ZNF814: variants seen among roughly 807,000 people sequenced by gnomAD.
The protein encoded by ZNF814 is zinc finger protein 814.
Under a neutral mutation model 7.5 loss-of-function variants are expected in ZNF814, and 5 were observed. The observed-to-expected ratio is 0.67, with a 90% confidence interval of 0.35 to 1.40. ZNF814 has a LOEUF of 1.40. Among genes scored for constraint, ZNF814 ranks in the 40% most tolerant of loss-of-function variants. The pLI is 0.04. For missense variants in ZNF814, 962 were observed against 1,018.0 expected (o/e 0.94, Z 0.75); for synonymous variants, 315 against 340.7 (o/e 0.92, Z 0.83).
chr19:57,872,248 C>T lies in ZNF814; in HGVS notation c.*574G>A, dbSNP rs192080069. On this transcript the variant is annotated 3_prime_UTR_variant, in exon 3 of 3. Transcript: ENST00000435989. ...AAGGGTTACATTGAAAAAGAAATAA[C>T]ATTCCATATACATCTATGGTGTTTT... is the stretch of plus-strand genomic sequence containing the variant. Among the ~76,000 whole-genome samples the T allele has an allele frequency of 2.0e-3, 312 of 152,332 alleles. 4 individuals carry two copies. The highest frequency in any genetic ancestry group is 7.0e-3 in the African/African-American group (293 of 41,568).
chr19:57,898,739 G>C, the ZNF814 span, among the ~76,000 whole-genome samples: 80 of 152,280 alleles, frequency 5.3e-4, no homozygotes, highest in African/African-American at 1.9e-3. Context: ...TCAAGAGATT[G>C]AGACTATCCT....
chr19:57,873,764 G>T lies in ZNF814; in HGVS notation c.1626C>A (p.His542Gln). The change falls in exon 3 of 3, where the codon CAC becomes CAA. Residue 542 changes from histidine (H) to glutamine (Q), a missense_variant. Transcript: ENST00000435989. ...CACACTCATAAAGTCTGTCCCCAGT[G>T]TGAATTTGCTGATGGTTCCTAAGAT... ...KGHLRNHQQIHTGDRLYECGE... is the reference protein window; with the variant it reads ...KGHLRNHQQIQTGDRLYECGE... The T allele has an allele frequency of 6.2e-7, 1 of 1,613,760 alleles. No individual in the cohort carries two copies. The highest frequency in any genetic ancestry group is 1.3e-5 in the African/African-American group (1 of 75,002).
upstream of ZNF814, among the ~76,000 whole-genome samples, chr19:57,892,645 C>T (rs572017285): frequency 5.4e-4 from 82 of 152,244 alleles, 2 homozygotes; most frequent in South Asian, 0.016. Context: ...GCTTTTTCCT[C>T]CCCAAAAGGG....
Position 57,875,943 on chromosome 19 carries a change from C to CTTTTTT in ZNF814, c.164-723_164-718dup, listed in dbSNP as rs567660556. Among the ~76,000 whole-genome samples the CTTTTTT allele has an allele frequency of 1.4e-3, 97 of 71,414 alleles. 6 individuals are homozygous for CTTTTTT. Among genetic ancestry groups the CTTTTTT allele is most frequent in the Non-Finnish European group, 1.8e-3 (68 of 37,392 alleles). 46.9% of individuals were successfully genotyped at this position (71,414 alleles called of 152,430 possible). A position where few individuals can be genotyped will look rare whatever the true frequency, so the allele number is the denominator to read the frequency against. On this transcript the variant is annotated intron_variant, in intron 2 of 2. Coordinates refer to ENST00000435989, the MANE Select transcript of ZNF814 (RefSeq NM_001144989.2). Reference sequence around the variant, plus strand: ...CTCCATGACCTCCTCCAGGGTGCCGCTTTTTTTTTTTTTTTTTTTTTTTTT... The same window carrying CTTTTTT: ...CTCCATGACCTCCTCCAGGGTGCCGCTTTTTTTTTTTTTTTTTTTTTTTTTTTTTTT...
In ZNF814 at chr19:57,872,100, T is replaced by C. The variant is rs138370027; in HGVS notation, c.*722A>G. On this transcript the variant is annotated 3_prime_UTR_variant, in exon 3 of 3. Transcript: ENST00000435989. Reference sequence around the variant, plus strand: ...CATCCTGAGCGACACAGTGACAACCTGTCTCAAAAAAAATCTAGCAAGGTA... The same window carrying C: ...CATCCTGAGCGACACAGTGACAACCCGTCTCAAAAAAAATCTAGCAAGGTA... Among the ~76,000 whole-genome samples the C allele has an allele frequency of 7.2e-5, 11 of 152,234 alleles. No individual in the cohort carries two copies. The highest frequency in any genetic ancestry group is 2.6e-4 in the African/African-American group (11 of 41,546).
At chr19:57,898,939 C>CCA in the ZNF814 span, among the ~76,000 whole-genome samples, 3 of 91,972 alleles carry the variant, frequency 3.3e-5, no homozygotes, top group Non-Finnish European at 4.6e-5. Context: ...GACTCTGTCT[C>CCA]AAAAAAAAAA....
chr19:57,901,330 T>A, the ZNF814 span, among the ~76,000 whole-genome samples: 1 of 152,210 alleles, frequency 6.6e-6, no homozygotes, highest in South Asian at 2.1e-4. Flanking sequence ...TTAAATTTTT[T>A]AAATTTACAA....
At chr19:57,886,647 G>A (rs980863979) in intron 1 of ZNF814, among the ~76,000 whole-genome samples, 13 of 151,804 alleles carry the variant, frequency 8.6e-5, no homozygotes, top group African/African-American at 3.1e-4. Flanking sequence ...CGGAGGCCGA[G>A]GCGAGCGGAT....
the ZNF814 span, among the ~76,000 whole-genome samples, chr19:57,896,081 G>T: frequency 2.6e-5 from 4 of 151,684 alleles, no homozygotes; most frequent in African/African-American, 9.7e-5. The surrounding 1 kb of genome is among the most constrained non-coding windows in gnomAD (Gnocchi z 4.2). Context: ...GCACAGAGGG[G>T]TGCCTCTTTG....
At position 57,874,998 on chromosome 19, in the gene ZNF814, T is replaced by C. The variant is rs750269845; in HGVS notation, c.392A>G (p.Asp131Gly). The change falls in exon 3 of 3, where the codon GAC (aspartate) becomes GGC (glycine). Residue 131 changes from aspartate (D) to glycine (G), a missense_variant. Coordinates refer to ENST00000435989, the MANE Select transcript of ZNF814 (RefSeq NM_001144989.2). ...RCEAWGNKLYDSGNFHQHQNE... is the reference protein window; with the variant it reads ...RCEAWGNKLYGSGNFHQHQNE... ...CTGGTGCTGATGAAAGTTTCCACTG[T>C]CATACAATTTATTCCCCCAGGCCTC... The C allele has an allele frequency of 6.2e-7, 1 of 1,611,858 alleles. No individual in the cohort carries two copies. The highest frequency in any genetic ancestry group is 8.5e-7 in the Non-Finnish European group (1 of 1,178,504).
rs2071549734 is a variant in ZNF814, at chr19:57,870,641, A to G, written c.*2181T>C. ...AAGTCCTGATAATTCCTGTATCTGC[A>G]TATTCATCATATACGTAGTGACTGG... On this transcript the variant is annotated 3_prime_UTR_variant, in exon 3 of 3. Coordinates refer to ENST00000435989, the MANE Select transcript of ZNF814 (RefSeq NM_001144989.2). The G allele has an allele frequency of 6.6e-6, 1 of 152,238 alleles. No individual in the cohort carries two copies. Among genetic ancestry groups the G allele is most frequent in the Non-Finnish European group, 1.5e-5 (1 of 68,040 alleles). The allele number at this position is 152,238 out of a possible 1,614,324, so 9.4% of individuals were successfully genotyped here.
the ZNF814 span, among the ~76,000 whole-genome samples, chr19:57,902,308 T>C: frequency 6.6e-6 from 1 of 152,186 alleles, no homozygotes; most frequent in Non-Finnish European, 1.5e-5. Flanking sequence ...AAGGGGATTT[T>C]TAAGAAAAAT....
At chr19:57,901,550 T>C in the ZNF814 span, 3 of 398,168 alleles carry the variant, frequency 7.5e-6, no homozygotes, top group Admixed American at 4.4e-5. Flanking sequence ...AGGTCTATCA[T>C]GAGCCACACC....
the ZNF814 span, among the ~76,000 whole-genome samples, chr19:57,894,206 C>G: frequency 6.6e-6 from 1 of 151,344 alleles, no homozygotes; most frequent in Non-Finnish European, 1.5e-5. Context: ...AACCCCGTCT[C>G]TACTAAAAAT....
the ZNF814 span, among the ~76,000 whole-genome samples, chr19:57,902,947 G>A: frequency 6.6e-6 from 1 of 152,144 alleles, no homozygotes; most frequent in Admixed American, 6.5e-5. Context: ...CCAAAGTGCT[G>A]GGATTACAGG....
At chr19:57,895,230 T>A in the ZNF814 span, among the ~76,000 whole-genome samples, 9 of 151,916 alleles carry the variant, frequency 5.9e-5, no homozygotes, top group Non-Finnish European at 8.8e-5. Flanking sequence ...AAATTGGGCC[T>A]CAAACCCAGG....
At chr19:57,885,567 T>C (rs2071684039) in intron 1 of ZNF814, among the ~76,000 whole-genome samples, 1 of 150,186 alleles carries the variant, frequency 6.7e-6, no homozygotes, top group African/African-American at 2.5e-5. Context: ...GCAGCAGAGG[T>C]TGCAGTGAGC....
the ZNF814 span, among the ~76,000 whole-genome samples, chr19:57,895,991 T>C: frequency 2.6e-5 from 4 of 152,298 alleles, no homozygotes; most frequent in Middle Eastern, 3.4e-3. Context: ...TGTTTATACA[T>C]AGTGTCAGGA....
intron 1 of ZNF814, among the ~76,000 whole-genome samples, chr19:57,878,197 A>T (rs1416127264): frequency 6.7e-6 from 1 of 150,038 alleles, no homozygotes; most frequent in Non-Finnish European, 1.5e-5. Flanking sequence ...AATCAAATAT[A>T]TTAACAGCCT....
Sources: gnomAD v4.1 joint callset for allele counts (sites outside exome capture counted in the v4.1 genomes callset) on GRCh38, gnomAD v4.1.1 for gene constraint, Gnocchi (gnomAD v3.1) non-coding constraint, MANE v1.5 for transcripts, NCBI Gene and HGNC (gene_info 2026-07-23, HGNC 2026-07-21) for gene names.